The following SLC8A1 variants were observed in gnomAD, a reference collection of about 807,000 sequenced individuals.
SLC8A1 encodes sodium/calcium exchanger 1.
SLC8A1 carries 18 observed loss-of-function variants against 68.3 expected under a neutral mutation model. That is an observed-to-expected ratio of 0.26 (90% CI 0.18 to 0.39). SLC8A1 has a LOEUF of 0.39. Among genes scored for constraint, SLC8A1 ranks in the 10% least tolerant of loss-of-function variants. The probability of loss-of-function intolerance (pLI) is 1.00; values close to 1 mark genes in which losing one functional copy is unlikely to be tolerated. For missense variants in SLC8A1, 985 were observed against 1,156.7 expected (o/e 0.85, Z 2.15); for synonymous variants, 475 against 415.5 (o/e 1.14, Z -1.74).
At chr2:40,368,767 C>T (rs1677066120) in intron 2 of SLC8A1, among the ~76,000 whole-genome samples, 1 of 151,932 alleles carries the variant, frequency 6.6e-6, no homozygotes, top group Non-Finnish European at 1.5e-5. Flanking sequence ...TTGTTCCCCT[C>T]TATGTGCCTG....
chr2:40,376,861 T>C (rs1299071319), intron 2 of SLC8A1, among the ~76,000 whole-genome samples: 1 of 152,082 alleles, frequency 6.6e-6, no homozygotes, highest in Non-Finnish European at 1.5e-5. Flanking sequence ...ATTTCCAAAA[T>C]GGAAACTTAT....
chr2:40,097,485 A>T (rs2033639902), exon 8 of SLC8A1: 1 of 147,362 alleles, frequency 6.8e-6, no homozygotes, highest in Non-Finnish European at 1.5e-5. Flanking sequence ...ACACATGAAA[A>T]ATATTGCCAG....
intron 2 of SLC8A1, among the ~76,000 whole-genome samples, chr2:40,347,227 T>C (rs1309216669): frequency 6.6e-6 from 1 of 152,208 alleles, no homozygotes; most frequent in Non-Finnish European, 1.5e-5. Context: ...CCCAAACCAC[T>C]GGCCTCAAAC....
chr2:40,467,054 C>T (rs1703717773), intron 1 of SLC8A1, among the ~76,000 whole-genome samples: 1 of 151,776 alleles, frequency 6.6e-6, no homozygotes, highest in South Asian at 2.1e-4. Context: ...AGTGAAATCC[C>T]ACCTGGTGCA....
chr2:40,468,957 C>G (rs571175928), intron 1 of SLC8A1, among the ~76,000 whole-genome samples: 55 of 152,088 alleles, frequency 3.6e-4, no homozygotes, highest in African/African-American at 1.3e-3. Context: ...TAAAGCCAAT[C>G]CTGGATATAA....
chr2:40,367,908 CCAT>C (rs1368715688), intron 2 of SLC8A1, among the ~76,000 whole-genome samples: 2 of 152,056 alleles, frequency 1.3e-5, no homozygotes, highest in African/African-American at 4.8e-5. Context: ...GCCAGGTCTT[CCAT>C]ATCTTTACAG....
At chr2:40,459,863 A>G (rs4952626) in intron 1 of SLC8A1, among the ~76,000 whole-genome samples, 4 of 152,016 alleles carry the variant, frequency 2.6e-5, no homozygotes, top group Admixed American at 2.6e-4. Flanking sequence ...ACTATACACA[A>G]CACACACACA....
At chr2:40,246,205 G>T (rs1415371670) in intron 2 of SLC8A1, among the ~76,000 whole-genome samples, 1 of 152,116 alleles carries the variant, frequency 6.6e-6, no homozygotes, top group Non-Finnish European at 1.5e-5. Context: ...TCTTGGATAT[G>T]GTTGGTTACA....
At chr2:40,200,333 G>C (rs187025755) in intron 2 of SLC8A1, among the ~76,000 whole-genome samples, 1 of 134,234 alleles carries the variant, frequency 7.4e-6, no homozygotes, top group East Asian at 2.2e-4. Flanking sequence ...GGTAGGTTGA[G>C]AGCTAGCGAT....
At chr2:40,315,360 T>G (rs1159917993) in intron 2 of SLC8A1, among the ~76,000 whole-genome samples, 2 of 151,716 alleles carry the variant, frequency 1.3e-5, no homozygotes, top group Non-Finnish European at 2.9e-5. Flanking sequence ...TCTAGAAAAA[T>G]GGAAGGTTAG....
chr2:40,275,350 T>C (rs185959623), intron 2 of SLC8A1, among the ~76,000 whole-genome samples: 3 of 152,380 alleles, frequency 2.0e-5, no homozygotes, highest in Admixed American at 1.3e-4. Context: ...CCTTAACTTA[T>C]GTTAAGGATC....
chr2:40,313,866 A>AT (rs1201204421), intron 2 of SLC8A1, among the ~76,000 whole-genome samples: 3 of 151,950 alleles, frequency 2.0e-5, no homozygotes, highest in African/African-American at 4.8e-5. Context: ...TATTTGACCA[A>AT]TTTTTTGCTG....
At chr2:40,425,556 TAAAC>T (rs1696634736) in intron 2 of SLC8A1, among the ~76,000 whole-genome samples, 1 of 151,888 alleles carries the variant, frequency 6.6e-6, no homozygotes, top group Non-Finnish European at 1.5e-5. Flanking sequence ...TGCACAACAT[TAAAC>T]AAACATTTTT....
At chr2:40,446,972 A>G (rs1701562224) in intron 1 of SLC8A1, among the ~76,000 whole-genome samples, 1 of 152,230 alleles carries the variant, frequency 6.6e-6, no homozygotes, top group South Asian at 2.1e-4. Flanking sequence ...GTTGAAGTAA[A>G]TTGCTGAATC....
exon 8 of SLC8A1, chr2:40,098,784 GAAATACA>G (rs1157182205): frequency 7.2e-5 from 11 of 152,042 alleles, no homozygotes; most frequent in African/African-American, 2.4e-4. Context: ...TTGGTCCTTA[GAAATACA>G]AAATATTCAT....
At chr2:40,494,999 A>C (rs1705598787) in intron 1 of SLC8A1, among the ~76,000 whole-genome samples, 1 of 151,912 alleles carries the variant, frequency 6.6e-6, no homozygotes, top group Non-Finnish European at 1.5e-5. Context: ...AAGTAAAAAA[A>C]ATCATGCTTC....
chr2:40,376,886 A>G (rs1680066305), intron 2 of SLC8A1, among the ~76,000 whole-genome samples: 1 of 152,122 alleles, frequency 6.6e-6, no homozygotes, highest in South Asian at 2.1e-4. Flanking sequence ...TATGTCTATT[A>G]TAATTACCAT....
intron 2 of SLC8A1, among the ~76,000 whole-genome samples, chr2:40,368,266 G>A (rs1042333310): frequency 6.6e-6 from 1 of 151,908 alleles, no homozygotes; most frequent in African/African-American, 2.4e-5. Flanking sequence ...TAGGCCATAG[G>A]CTCCCTTTTT....
At chr2:40,264,727 A>G (rs1387553444) in intron 2 of SLC8A1, among the ~76,000 whole-genome samples, 1 of 152,232 alleles carries the variant, frequency 6.6e-6, no homozygotes, top group East Asian at 1.9e-4. Context: ...GAGGGATAGC[A>G]TTAGGAGATA....
Sources: allele counts gnomAD v4.1 joint callset (sites outside exome capture counted in the v4.1 genomes callset), GRCh38; gene constraint gnomAD v4.1.1; transcripts MANE v1.5; gene names NCBI Gene and HGNC (gene_info 2026-07-23, HGNC 2026-07-21).